Variants in PLCB1 observed in about 807,000 individuals in gnomAD.
PLCB1 encodes phospholipase C beta 1.
A neutral mutation model predicts 161.8 loss-of-function variants in PLCB1; 46 were observed. The ratio of observed to expected loss-of-function variants is 0.28; its 90% CI spans 0.22 to 0.36. The LOEUF (loss-of-function observed/expected upper bound fraction) is 0.36. PLCB1 is among the 10% of genes least tolerant of loss of function. The pLI is 1.00. For synonymous variants in PLCB1, 517 were observed against 503.7 expected, an observed-to-expected ratio of 1.03 and a Z score of -0.35; for missense variants, 1,016 against 1,472.5, an observed-to-expected ratio of 0.69 and a Z score of 5.07.
At chr20:8,200,339 A>T (rs1304847887) in intron 2 of PLCB1, among the ~76,000 whole-genome samples, 1 of 152,042 alleles carries the variant, frequency 6.6e-6, no homozygotes, top group Non-Finnish European at 1.5e-5. Flanking sequence ...TAACATTCAG[A>T]GCTTTAATCT....
intron 3 of PLCB1, among the ~76,000 whole-genome samples, chr20:8,394,276 C>T (rs1237215738): frequency 6.6e-6 from 1 of 152,044 alleles, no homozygotes; most frequent in Admixed American, 6.6e-5. Context: ...TACTACTTGG[C>T]CTTTGTGGAA....
At chr20:8,444,490 A>T (rs112838481) in intron 3 of PLCB1, among the ~76,000 whole-genome samples, 3 of 152,176 alleles carry the variant, frequency 2.0e-5, no homozygotes, top group African/African-American at 7.2e-5. Context: ...GCAATTGTGA[A>T]TAGTGCCGCA....
chr20:8,291,576 T>C (rs1251415311), intron 2 of PLCB1, among the ~76,000 whole-genome samples: 7 of 152,186 alleles, frequency 4.6e-5, no homozygotes, highest in Non-Finnish European at 1.5e-5. Flanking sequence ...CAAACCATGA[T>C]TTATTTGTTG....
chr20:8,306,255 G>A (rs1984133127), intron 2 of PLCB1: 1 of 152,198 alleles, frequency 6.6e-6, no homozygotes, highest in Non-Finnish European at 1.5e-5. Context: ...AAAGAGCAAA[G>A]ACTCAGTGTC....
At chr20:8,402,220 A>C (rs927053535) in intron 3 of PLCB1, among the ~76,000 whole-genome samples, 1 of 152,054 alleles carries the variant, frequency 6.6e-6, no homozygotes, top group Non-Finnish European at 1.5e-5. Context: ...TCTCCTAAAA[A>C]CCATGTGTAT....
At chr20:8,696,099 A>C (rs1183227651) in intron 10 of PLCB1, among the ~76,000 whole-genome samples, 1 of 152,168 alleles carries the variant, frequency 6.6e-6, no homozygotes, top group African/African-American at 2.4e-5. Flanking sequence ...ACAAAAATTT[A>C]CTGCTGTGTT....
At chr20:8,596,141 A>G (rs1230845086) in intron 3 of PLCB1, among the ~76,000 whole-genome samples, 4 of 150,778 alleles carry the variant, frequency 2.7e-5, no homozygotes, top group Non-Finnish European at 4.5e-5. Flanking sequence ...TTTTGTTGCC[A>G]TTGCTTTTGG....
chr20:8,741,517 A>T lies in PLCB1; in HGVS notation c.2467A>T (p.Arg823Ter). Residue 823 changes from arginine to a stop codon, truncating the protein, a stop_gained, in exon 23 of 32, where the codon AGA (arginine) becomes TGA (stop). Transcript: ENST00000338037. LOFTEE classifies it high-confidence loss of function. The part of the protein sequence containing the change: ...PIRYVNLMEQ[R>*]AKQLAALTLE... The stretch of plus-strand genomic sequence containing the variant: ...CCGATATGTGAACCTGATGGAACAG[A>T]GAGCTAAGCAATTGGCTGCTTTGAC... The T allele has an allele frequency of 6.2e-7, 1 of 1,613,894 alleles. No individual in the cohort carries two copies. The highest frequency in any genetic ancestry group is 8.5e-7 in the Non-Finnish European group (1 of 1,179,758).
At chr20:8,214,738 C>G (rs996580683) in intron 2 of PLCB1, among the ~76,000 whole-genome samples, 4 of 152,010 alleles carry the variant, frequency 2.6e-5, no homozygotes, top group Non-Finnish European at 5.9e-5. Context: ...TGATAATATC[C>G]TCTGATGTGG....
At chr20:8,714,695 G>GC (rs1482203213) in intron 12 of PLCB1, among the ~76,000 whole-genome samples, 2 of 152,160 alleles carry the variant, frequency 1.3e-5, no homozygotes, top group Non-Finnish European at 2.9e-5. Flanking sequence ...ACCAAGAGAG[G>GC]CCTGGTGAGA....
chr20:8,687,509 C>G (rs1990386813), intron 10 of PLCB1, among the ~76,000 whole-genome samples: 1 of 152,096 alleles, frequency 6.6e-6, no homozygotes, highest in Non-Finnish European at 1.5e-5. Context: ...CCCCAAGTCC[C>G]CAAAGTCTAT....
intron 2 of PLCB1, among the ~76,000 whole-genome samples, chr20:8,263,934 A>G (rs1387307380): frequency 6.6e-6 from 1 of 152,128 alleles, no homozygotes; most frequent in Non-Finnish European, 1.5e-5. Context: ...CTTAGGCTAA[A>G]ATAAATTTAT....
intron 2 of PLCB1, among the ~76,000 whole-genome samples, chr20:8,162,429 T>C (rs1393175983): frequency 1.3e-5 from 2 of 152,236 alleles, no homozygotes; most frequent in African/African-American, 4.8e-5. Context: ...TCATTTCTTA[T>C]CAATTTGTAG....
chr20:8,142,105 AT>A lies in PLCB1; in HGVS notation c.100-8182del, dbSNP rs2051410377. Among the ~76,000 whole-genome samples the A allele has an allele frequency of 2.0e-5, 3 of 152,170 alleles. No homozygotes were observed. The South Asian group carries it at 6.2e-4, about 32-fold the overall frequency. ...CTATAGCTTTATAATTATCATTATT[AT>A]TTTTTTCCCTAGGGGAGAGCATAGG... On this transcript the variant is annotated intron_variant, in intron 1 of 31. Transcript: ENST00000338037.
At chr20:8,613,675 T>A (rs1987965857) in intron 3 of PLCB1, among the ~76,000 whole-genome samples, 1 of 152,160 alleles carries the variant, frequency 6.6e-6, no homozygotes, top group East Asian at 1.9e-4. Flanking sequence ...ATGATTTTAT[T>A]TTTATATTTT....
intron 2 of PLCB1, among the ~76,000 whole-genome samples, chr20:8,244,369 A>T (rs1980770057): frequency 6.6e-6 from 1 of 151,986 alleles, no homozygotes; most frequent in Admixed American, 6.6e-5. Flanking sequence ...AACAAATTGT[A>T]GTATATTCAC....
intron 2 of PLCB1, among the ~76,000 whole-genome samples, chr20:8,336,698 G>A (rs6055753): frequency 0.038 from 5,767 of 152,136 alleles, 356 homozygotes; most frequent in African/African-American, 0.13. Context: ...CCTGTCTTGG[G>A]ATGGGATAAA....
chr20:8,822,132 C>T (rs911122501), intron 31 of PLCB1, among the ~76,000 whole-genome samples: 1 of 151,986 alleles, frequency 6.6e-6, no homozygotes, highest in Non-Finnish European at 1.5e-5. Context: ...ACAGGGGCCG[C>T]GTCTCTGTTA....
chr20:8,624,971 ACTT>A (rs1402474736), intron 3 of PLCB1, among the ~76,000 whole-genome samples: 1 of 152,114 alleles, frequency 6.6e-6, no homozygotes. Flanking sequence ...TTCTCTGGAA[ACTT>A]CTTAGGAAGT....
Sources: allele counts gnomAD v4.1 joint callset (sites outside exome capture counted in the v4.1 genomes callset), GRCh38; gene constraint gnomAD v4.1.1; transcripts MANE v1.5; gene names NCBI Gene and HGNC (gene_info 2026-07-23, HGNC 2026-07-21).